Variants in MAP3K20 observed in about 807,000 individuals in gnomAD.
The protein encoded by MAP3K20 is HCCS-4.
A neutral mutation model predicts 85.7 loss-of-function variants in MAP3K20; 40 were observed. The observed-to-expected ratio is 0.47, with a 90% CI of 0.36 to 0.61. The LOEUF is 0.61. MAP3K20 is among the 20% of genes least tolerant of loss of function. MAP3K20 has a pLI of 0.00. For missense variants in MAP3K20, 817 were observed against 961.7 expected (o/e 0.85, Z 1.99); for synonymous variants, 325 against 327.7 (o/e 0.99, Z 0.09).
intron 2 of MAP3K20, among the ~76,000 whole-genome samples, chr2:173,169,022 G>A (rs1203300582): frequency 6.6e-6 from 1 of 152,098 alleles, no homozygotes; most frequent in Non-Finnish European, 1.5e-5. Flanking sequence ...ACCTTTATAT[G>A]TTTATAGTAC....
chr2:173,189,044 T>C (rs1014502088), intron 5 of MAP3K20, among the ~76,000 whole-genome samples: 1 of 152,196 alleles, frequency 6.6e-6, no homozygotes. Context: ...CAGTTATATG[T>C]ATTATAGTTA....
Position 173,127,082 on chromosome 2 carries a change from C to G in MAP3K20, c.159+35892C>G, listed in dbSNP as rs1688466429. ...ATGACCATTCAATAACATTAGGATT[C>G]TGATCACAAAATAAATACAACAAGG... On this transcript the variant is annotated intron_variant, in intron 2 of 19. Coordinates refer to ENST00000375213, the MANE Select transcript of MAP3K20 (RefSeq NM_016653.3). Among the ~76,000 whole-genome samples, 3 of 152,130 alleles carry G rather than the reference C, an allele frequency of 2.0e-5. No homozygotes were observed. In the South Asian group the frequency reaches 6.2e-4, roughly 32 times the overall value.
chr2:173,237,340 T>G (rs576332371), intron 14 of MAP3K20, among the ~76,000 whole-genome samples: 1 of 152,162 alleles, frequency 6.6e-6, no homozygotes, highest in East Asian at 1.9e-4. Flanking sequence ...ACCCATTCTT[T>G]TCCTTTGTGT....
intron 11 of MAP3K20, 63 bp from the exon 12 acceptor site, chr2:173,229,626 T>C (rs184903647): frequency 5.2e-5 from 84 of 1,603,610 alleles, no homozygotes; most frequent in Non-Finnish European, 6.9e-5. Context: ...GACAAGAGGA[T>C]GAACCAAAAA....
At chr2:173,090,948 T>G in intron 1 of MAP3K20, 50 bp from the exon 2 acceptor site, 1 of 1,515,780 alleles carries the variant, frequency 6.6e-7, no homozygotes, top group Non-Finnish European at 8.8e-7. Flanking sequence ...TTCAGAGGAT[T>G]TAGCCTAATA....
intron 8 of MAP3K20, among the ~76,000 whole-genome samples, chr2:173,203,379 A>G (rs149020438): frequency 8.4e-4 from 128 of 152,308 alleles, no homozygotes; most frequent in African/African-American, 3.0e-3. Context: ...AGATGTTTTC[A>G]GAGTTGTATA....
chr2:173,125,134 G>T (rs527310825), intron 2 of MAP3K20, among the ~76,000 whole-genome samples: 49 of 152,328 alleles, frequency 3.2e-4, no homozygotes, highest in African/African-American at 1.2e-3. Flanking sequence ...ACATTTTATA[G>T]AGTACTAGTC....
At chr2:173,256,701 C>A (rs559808903) in intron 16 of MAP3K20, among the ~76,000 whole-genome samples, 1 of 152,310 alleles carries the variant, frequency 6.6e-6, no homozygotes, top group East Asian at 1.9e-4. Context: ...AGCCCCCATT[C>A]AACCACTAAC....
chr2:173,191,234 AAAG>A (rs1284076936), intron 7 of MAP3K20, 57 bp downstream of exon 7: 4 of 1,600,638 alleles, frequency 2.5e-6, no homozygotes, highest in South Asian at 2.2e-5. Context: ...CAAACACTCA[AAAG>A]AAGAGAGATA....
intron 3 of MAP3K20, among the ~76,000 whole-genome samples, chr2:173,179,252 G>T (rs999918957): frequency 6.6e-6 from 1 of 152,050 alleles, no homozygotes; most frequent in African/African-American, 2.4e-5. Context: ...AATTAGCTGG[G>T]CATGGTGGCA....
chr2:173,238,563 C>G (rs1490004927), intron 15 of MAP3K20, 128 bp downstream of exon 15: 1 of 804,352 alleles, frequency 1.2e-6, no homozygotes, highest in Non-Finnish European at 2.0e-6. Flanking sequence ...ATCTGTCTAA[C>G]AAAAGGCCCT....
At chr2:173,118,879 A>G (rs931529311) in intron 2 of MAP3K20, among the ~76,000 whole-genome samples, 1 of 152,128 alleles carries the variant, frequency 6.6e-6, no homozygotes, top group Non-Finnish European at 1.5e-5. Context: ...AGTAGCTATA[A>G]TTAAGTTTTA....
chr2:173,177,437 C>T (rs1289879003), intron 3 of MAP3K20, among the ~76,000 whole-genome samples: 2 of 130,852 alleles, frequency 1.5e-5, no homozygotes, highest in Non-Finnish European at 3.2e-5. Flanking sequence ...GAAGAAATCA[C>T]AATAGATTTT....
chr2:173,263,468 G>A (rs888933777), intron 18 of MAP3K20, among the ~76,000 whole-genome samples: 1 of 152,114 alleles, frequency 6.6e-6, no homozygotes, highest in Admixed American at 6.5e-5. Flanking sequence ...AGCTACTATA[G>A]TTTACTAAGA....
intron 11 of MAP3K20, chr2:173,225,518 C>G (rs1484653793): frequency 1.2e-6 from 1 of 855,300 alleles, no homozygotes; most frequent in African/African-American, 1.9e-5. Context: ...CACTTGAACC[C>G]GGGAGGCAGA....
At chr2:173,243,703 C>T (rs1684848600) in intron 16 of MAP3K20, among the ~76,000 whole-genome samples, 1 of 152,148 alleles carries the variant, frequency 6.6e-6, no homozygotes, top group Non-Finnish European at 1.5e-5. Context: ...CTGCAAGCTC[C>T]GCCTCCCGGG....
chr2:173,150,889 A>G (rs192094249), intron 2 of MAP3K20, among the ~76,000 whole-genome samples: 1 of 152,318 alleles, frequency 6.6e-6, no homozygotes. Flanking sequence ...TGTAGGTACA[A>G]TTTCTAGCAG....
intron 2 of MAP3K20, among the ~76,000 whole-genome samples, chr2:173,137,490 AT>A (rs572247972): frequency 0.047 from 7,035 of 148,570 alleles, 355 homozygotes; most frequent in African/African-American, 0.12. Context: ...GCTTGAGAAG[AT>A]TTTTTTTTTT....
chr2:173,190,923 G>A lies in MAP3K20; in HGVS notation c.444G>A (p.Lys148=). Residue 148 remains lysine (K), a splice_region_variant and synonymous_variant, in exon 6 of 20, where the codon AAG becomes AAA. Coordinates refer to ENST00000375213, the MANE Select transcript of MAP3K20 (RefSeq NM_016653.3). The part of the protein sequence containing the change: ...NVVIAADGVL[K]ICDFGASRFH... Reference sequence around the variant, plus strand: ...TTATAGCTGCTGATGGAGTATTGAAGGTAGGACTATTTCTTTTACTTAAAA... The same window carrying A: ...TTATAGCTGCTGATGGAGTATTGAAAGTAGGACTATTTCTTTTACTTAAAA... 3 of 1,601,082 alleles carry A rather than the reference G, an allele frequency of 1.9e-6. No homozygotes were observed. Among genetic ancestry groups the A allele is most frequent in the Non-Finnish European group, 2.6e-6 (3 of 1,171,406 alleles).
Sources: allele counts gnomAD v4.1 joint callset (sites outside exome capture counted in the v4.1 genomes callset), GRCh38; gene constraint gnomAD v4.1.1; transcripts MANE v1.5; gene names NCBI Gene and HGNC (gene_info 2026-07-23, HGNC 2026-07-21).